XKRX: variants seen among roughly 807,000 people sequenced by gnomAD.
XKRX encodes XK-related protein 2.
Under a neutral mutation model 22.4 loss-of-function variants are expected in XKRX, and 11 were observed. The observed-to-expected ratio is 0.49, with a 90% confidence interval of 0.31 to 0.81. The LOEUF (loss-of-function observed/expected upper bound fraction) is 0.81. Among genes scored for constraint, XKRX ranks in the 40% least tolerant of loss-of-function variants. The pLI, the probability that XKRX is intolerant of heterozygous loss-of-function variation, is 0.05. For missense variants in XKRX, 320 were observed against 336.5 expected (o/e 0.95, Z 0.38); for synonymous variants, 114 against 132.2 (o/e 0.86, Z 0.94).
At chrX:100,933,248 G>A (rs1447478433), upstream of XKRX, among the ~76,000 whole-genome samples, 2 of 110,519 alleles carry the variant, frequency 1.8e-5, no homozygotes, top group Non-Finnish European at 3.8e-5. Context: ...TTAGGAGGCC[G>A]AGGTGGGTAG....
chrX:100,956,365 G>A, the XKRX span, among the ~76,000 whole-genome samples: 1 of 111,642 alleles, frequency 9.0e-6, no homozygotes, highest in Non-Finnish European at 1.9e-5. Flanking sequence ...TCACATAAAA[G>A]TTTTAAAAAA....
the XKRX span, among the ~76,000 whole-genome samples, chrX:100,899,279 C>A: frequency 1.8e-5 from 2 of 112,988 alleles, no homozygotes; most frequent in South Asian, 3.6e-4. Context: ...CTCTGGGAGG[C>A]CAAGGCAGGC....
chrX:100,940,941 C>T, the XKRX span, among the ~76,000 whole-genome samples: 1 of 111,636 alleles, frequency 9.0e-6, no homozygotes, highest in Non-Finnish European at 1.9e-5. Context: ...TTGCCCACCC[C>T]CTCCAACCCA....
the XKRX span, among the ~76,000 whole-genome samples, chrX:100,896,702 C>T: frequency 2.7e-4 from 30 of 111,566 alleles, no homozygotes; most frequent in East Asian, 1.1e-3. Context: ...CAGCGGCTCA[C>T]GCCTGTAATA....
At chrX:100,956,301 C>T in the XKRX span, among the ~76,000 whole-genome samples, 1 of 111,475 alleles carries the variant, frequency 9.0e-6, no homozygotes, top group East Asian at 2.8e-4. Context: ...ATCACCATGG[C>T]ACATGTTTAC....
At chrX:100,910,730 T>C, downstream of XKRX, 1 of 662,521 alleles carries the variant, frequency 1.5e-6, no homozygotes, top group South Asian at 2.7e-5. Context: ...AACGAATATA[T>C]TGAATTACAC....
At chrX:100,933,303 G>A (rs888490478), upstream of XKRX, among the ~76,000 whole-genome samples, 1 of 110,642 alleles carries the variant, frequency 9.0e-6, no homozygotes, top group Non-Finnish European at 1.9e-5. Context: ...GCAACATGGT[G>A]AAACCCCATT....
chrX:100,917,025 A>C (rs1037660828), intron 2 of XKRX, among the ~76,000 whole-genome samples: 1 of 112,188 alleles, frequency 8.9e-6, no homozygotes, highest in African/African-American at 3.2e-5. Flanking sequence ...ATGCTGAGGC[A>C]GGAGAATTAC....
the XKRX span, among the ~76,000 whole-genome samples, chrX:100,897,519 A>G: frequency 9.8e-6 from 1 of 102,476 alleles, no homozygotes; most frequent in African/African-American, 3.6e-5. Context: ...GGGGAGGTGG[A>G]GGTTGCAGTG....
chrX:100,902,405 G>A, the XKRX span, among the ~76,000 whole-genome samples: 1 of 111,481 alleles, frequency 9.0e-6, no homozygotes, highest in Non-Finnish European at 1.9e-5. Context: ...TATTTTATGA[G>A]GCCAGCATTA....
chrX:100,925,552 T>C (rs1244929566), intron 1 of XKRX, among the ~76,000 whole-genome samples: 2 of 111,526 alleles, frequency 1.8e-5, no homozygotes, highest in Non-Finnish European at 3.8e-5. Context: ...ACACAGAGGG[T>C]TCACAAAGCA....
chrX:100,904,363 G>A, the XKRX span, among the ~76,000 whole-genome samples: 1 of 111,914 alleles, frequency 8.9e-6, no homozygotes, highest in Non-Finnish European at 1.9e-5. Flanking sequence ...AAATGGATCA[G>A]AGACTTAAAT....
the XKRX span, among the ~76,000 whole-genome samples, chrX:100,952,383 G>C: frequency 1.9e-4 from 21 of 109,097 alleles, no homozygotes; most frequent in African/African-American, 6.7e-4. Flanking sequence ...CAGTGGCATG[G>C]GGGTCGCTGG....
chrX:100,943,915 T>C, the XKRX span, among the ~76,000 whole-genome samples: 2 of 112,072 alleles, frequency 1.8e-5, no homozygotes, highest in East Asian at 2.8e-4. Context: ...TGTATCCTTA[T>C]GTACATGTGG....
downstream of XKRX, among the ~76,000 whole-genome samples, chrX:100,910,322 A>G (rs1314688921): frequency 2.7e-5 from 3 of 111,070 alleles, no homozygotes; most frequent in Non-Finnish European, 5.7e-5. Flanking sequence ...GTGGTGGCTC[A>G]TGCCTGTAAT....
the XKRX span, among the ~76,000 whole-genome samples, chrX:100,959,138 A>C: frequency 1.6e-4 from 18 of 111,494 alleles, no homozygotes; most frequent in Admixed American, 5.8e-4. Context: ...AGATAACGTA[A>C]TTATTTGCAA....
the XKRX span, among the ~76,000 whole-genome samples, chrX:100,948,139 C>T: frequency 8.2e-5 from 9 of 109,900 alleles, no homozygotes; most frequent in African/African-American, 3.0e-4. Context: ...CTCCTGAACT[C>T]AAGTGATCCA....
At chrX:100,900,900 C>T in the XKRX span, among the ~76,000 whole-genome samples, 44 of 107,602 alleles carry the variant, frequency 4.1e-4, no homozygotes, top group Non-Finnish European at 7.9e-4. Flanking sequence ...CGCCATTCTC[C>T]TGCCTCAGCC....
chrX:100,943,998 G>A, the XKRX span, among the ~76,000 whole-genome samples: 48 of 111,697 alleles, frequency 4.3e-4, no homozygotes, highest in African/African-American at 1.6e-3. Flanking sequence ...TTCAGTTTTG[G>A]TAGACACTGC....
Sources: gnomAD v4.1 joint callset for allele counts (sites outside exome capture counted in the v4.1 genomes callset) on GRCh38, gnomAD v4.1.1 for gene constraint, MANE v1.5 for transcripts, NCBI Gene and HGNC (gene_info 2026-07-23, HGNC 2026-07-21) for gene names.